IL1RAP: variants seen among roughly 807,000 people sequenced by gnomAD.
IL1RAP encodes interleukin 1 receptor accessory protein, also known as interleukin-1 receptor accessory protein.
A neutral mutation model predicts 60.7 loss-of-function variants in IL1RAP; 35 were observed. The ratio of observed to expected loss-of-function variants is 0.58; its 90% confidence interval spans 0.44 to 0.76. The LOEUF (loss-of-function observed/expected upper bound fraction) is 0.76, where lower values mean the gene tolerates loss of function less well. Ranked by LOEUF, IL1RAP falls within the 30% of genes least tolerant of loss-of-function variation. The pLI, the probability that IL1RAP is intolerant of heterozygous loss-of-function variation, is 0.00. For synonymous variants in IL1RAP, 268 were observed against 250.9 expected (o/e 1.07, Z -0.64); for missense variants, 572 against 693.9 (o/e 0.82, Z 1.97).
At chr3:190,644,193 G>C in intron 9 of IL1RAP, 55 bp from the exon 10 acceptor site, 1 of 1,560,712 alleles carries the variant, frequency 6.4e-7, no homozygotes, top group Non-Finnish European at 8.7e-7. Flanking sequence ...CGGGATGGTG[G>C]GTCACTGTGG....
intron 4 of IL1RAP, among the ~76,000 whole-genome samples, chr3:190,606,207 T>C (rs1361389076): frequency 1.3e-5 from 2 of 152,146 alleles, no homozygotes; most frequent in African/African-American, 4.8e-5. Context: ...GAAATACTCA[T>C]GTTGTCATTA....
intron 3 of IL1RAP, among the ~76,000 whole-genome samples, chr3:190,565,078 A>G (rs1321994388): frequency 1.3e-5 from 2 of 152,164 alleles, no homozygotes; most frequent in Non-Finnish European, 2.9e-5. Flanking sequence ...TTTTTAGTAC[A>G]TAAAACTGAA....
rs148996090 is a variant in IL1RAP at position 190,629,458 on chromosome 3, C to A, written c.1011C>A (p.Ala337=). ...GCTATGTCTGTCATGCTAGAAGTGC[C>A]AAAGGCGAAGTTGCCAAAGCAGCCA... ...KRSYVCHARS[A]KGEVAKAAKV... Residue 337 remains alanine (A), a synonymous_variant, in exon 9 of 12, where the codon GCC becomes GCA. Coordinates refer to ENST00000447382, the MANE Select transcript of IL1RAP (RefSeq NM_002182.4). 6.5e-3 allele frequency: 10,552 copies of A among 1,613,388 alleles called. 53 individuals carry two copies. The highest frequency in any genetic ancestry group is 7.6e-3 in the Middle Eastern group (46 of 6,056).
chr3:190,522,411 GTATCTATGTATCTATC>G (rs1379031944), intron 1 of IL1RAP, among the ~76,000 whole-genome samples: 7 of 101,402 alleles, frequency 6.9e-5, no homozygotes, highest in African/African-American at 3.1e-4. Flanking sequence ...ATCTATCTAT[GTATCTATGTATCTATC>G]TATCTATCTA....
At chr3:190,659,536 T>A (rs996772835) in exon 12 of IL1RAP, 3 of 152,150 alleles carry the variant, frequency 2.0e-5, no homozygotes, top group Non-Finnish European at 4.4e-5. Context: ...AGAAAGAAAT[T>A]TTTTTCATGG....
rs183765179 is a variant in IL1RAP at position 190,587,237 on chromosome 3, C to T, written c.65-16891C>T. On this transcript the variant is annotated intron_variant, in intron 3 of 11. Transcript: ENST00000447382. ...CAGACTCTAGAGAGTGACAGATCTG[C>T]GTTAGAATCCCCGTCTCCTACTGAC... 1.9e-3 allele frequency among the ~76,000 whole-genome samples: 288 copies of T among 152,246 alleles called. 1 individual carries two copies. The highest frequency in any genetic ancestry group is 6.7e-3 in the African/African-American group (277 of 41,542).
rs2108866607 is a variant in IL1RAP, at chr3:190,649,027, A to G, written c.*322A>G. The G allele has an allele frequency of 2.9e-6, 3 of 1,026,780 alleles. No individual in the cohort carries two copies. Among genetic ancestry groups the G allele is most frequent in the East Asian group, 8.9e-5 (1 of 11,270 alleles). The allele number at this position is 1,026,780 out of a possible 1,614,324, so 63.6% of individuals were successfully genotyped here. A position where few individuals can be genotyped will look rare whatever the true frequency, so the allele number is the denominator to read the frequency against. ...TCTCCATTCTTTTTAAAATCTTAAC[A>G]TATGGAGCAGCCTTTCCTATGAATT... On this transcript the variant is annotated 3_prime_UTR_variant, in exon 12 of 12. Coordinates refer to ENST00000447382, the MANE Select transcript of IL1RAP (RefSeq NM_002182.4).
downstream of IL1RAP, among the ~76,000 whole-genome samples, chr3:190,653,215 CATT>C (rs1023772581): frequency 3.3e-5 from 5 of 152,134 alleles, no homozygotes; most frequent in South Asian, 2.1e-4. Context: ...ATTCAATAAA[CATT>C]AGTCCATATA....
intron 1 of IL1RAP, among the ~76,000 whole-genome samples, chr3:190,552,813 A>G (rs1724978933): frequency 6.6e-6 from 1 of 152,268 alleles, no homozygotes; most frequent in Non-Finnish European, 1.5e-5. Context: ...AAAAAAAGAA[A>G]AAAGCACTTT....
At chr3:190,591,433 A>G (rs192583533) in intron 3 of IL1RAP, among the ~76,000 whole-genome samples, 119 of 152,152 alleles carry the variant, frequency 7.8e-4, no homozygotes, top group Non-Finnish European at 1.4e-3. Flanking sequence ...ACTATCATAT[A>G]TTGTTTACCC....
At chr3:190,581,077 A>G (rs1352553384) in intron 3 of IL1RAP, among the ~76,000 whole-genome samples, 2 of 152,214 alleles carry the variant, frequency 1.3e-5, no homozygotes, top group African/African-American at 4.8e-5. Flanking sequence ...CTGATTCAGT[A>G]AAGTGGCATT....
intron 3 of IL1RAP, among the ~76,000 whole-genome samples, chr3:190,594,302 A>C (rs1227408300): frequency 6.6e-6 from 1 of 152,172 alleles, no homozygotes; most frequent in African/African-American, 2.4e-5. Flanking sequence ...TTATCACATA[A>C]AATGTAGAGG....
intron 1 of IL1RAP, among the ~76,000 whole-genome samples, chr3:190,540,679 T>A (rs1723852945): frequency 2.0e-5 from 3 of 152,098 alleles, no homozygotes; most frequent in African/African-American, 7.2e-5. Flanking sequence ...AGGTTACAGG[T>A]TTAGGAGCTG....
Position 190,644,296 on chromosome 3 carries a change from CA to C in IL1RAP, c.1101del (p.Val368SerfsTer3). The C allele has an allele frequency of 1.2e-6, 2 of 1,613,800 alleles. No individual in the cohort carries two copies. Among genetic ancestry groups the C allele is most frequent in the Non-Finnish European group, 1.7e-6 (2 of 1,179,844 alleles). On this transcript the variant is annotated frameshift_variant, in exon 10 of 12. Transcript: ENST00000447382. LOFTEE classifies it high-confidence loss of function. ...GAACTGGCTTGTGGTTTTGGAGCCA[CA>C]GTCCTGCTAGTGGTGATTCTCATTG... ...TVELACGFGA[T>X]VLLVVILIVV...
intron 9 of IL1RAP, among the ~76,000 whole-genome samples, chr3:190,639,504 A>G (rs13059920): frequency 0.12 from 18,118 of 152,056 alleles, 1,231 homozygotes; most frequent in African/African-American, 0.16. Context: ...GCTGTTCACA[A>G]TGTTCATGGT....
intron 3 of IL1RAP, among the ~76,000 whole-genome samples, chr3:190,596,024 T>C (rs1203846177): frequency 6.6e-6 from 1 of 152,310 alleles, no homozygotes; most frequent in African/African-American, 2.4e-5. Flanking sequence ...AGGGTGTACA[T>C]GCAGAGACTA....
Position 190,648,971 on chromosome 3 carries a change from C to T in IL1RAP, c.*266C>T. 8.5e-7 allele frequency: 1 copy of T among 1,181,916 alleles called. No homozygotes were observed. The highest frequency in any genetic ancestry group is 1.0e-6 in the Non-Finnish European group (1 of 954,056). 73.2% of individuals were successfully genotyped at this position (1,181,916 alleles called of 1,614,324 possible). On this transcript the variant is annotated 3_prime_UTR_variant, in exon 12 of 12. Transcript: ENST00000447382. ...AAGACTTGTTCAATGCGAATTTCCCCTTCTACATTGTCTATCCCTGTTTTT... is the reference window on the plus strand; with the variant it reads ...AAGACTTGTTCAATGCGAATTTCCCTTTCTACATTGTCTATCCCTGTTTTT...
At chr3:190,533,059 G>A (rs564171672) in intron 1 of IL1RAP, among the ~76,000 whole-genome samples, 34 of 152,252 alleles carry the variant, frequency 2.2e-4, no homozygotes, top group South Asian at 1.5e-3. Flanking sequence ...TTGAAAGTAA[G>A]TTCCATGACG....
intron 3 of IL1RAP, among the ~76,000 whole-genome samples, chr3:190,566,916 C>T (rs955444961): frequency 6.6e-6 from 1 of 152,132 alleles, no homozygotes; most frequent in Non-Finnish European, 1.5e-5. Flanking sequence ...TGAGGCTCTC[C>T]CTGTGCTCAG....
Sources: allele counts gnomAD v4.1 joint callset (sites outside exome capture counted in the v4.1 genomes callset), GRCh38; gene constraint gnomAD v4.1.1; transcripts MANE v1.5; gene names NCBI Gene and HGNC (gene_info 2026-07-23, HGNC 2026-07-21).